Variants in NKAIN2 observed in about 807,000 individuals in gnomAD.
The protein encoded by NKAIN2 is sodium/potassium-transporting ATPase subunit beta-1-interacting protein 2.
Under a neutral mutation model 32.6 loss-of-function variants are expected in NKAIN2, and 14 were observed. That is an observed-to-expected ratio of 0.43 (90% CI 0.28 to 0.67). The LOEUF (loss-of-function observed/expected upper bound fraction) is 0.67. NKAIN2 is among the 30% of genes least tolerant of loss of function. The pLI, the probability that NKAIN2 is intolerant of heterozygous loss-of-function variation, is 0.17. For missense variants in NKAIN2, 198 were observed against 258.3 expected (o/e 0.77, Z 1.60); for synonymous variants, 80 against 87.2 (o/e 0.92, Z 0.46).
At chr6:124,118,016 T>C (rs1441354832) in intron 1 of NKAIN2, among the ~76,000 whole-genome samples, 5 of 152,036 alleles carry the variant, frequency 3.3e-5, no homozygotes, top group African/African-American at 9.7e-5. Flanking sequence ...TAGCTGCAGA[T>C]TTTTTTCAAC....
At chr6:124,268,200 G>A (rs925603916) in intron 1 of NKAIN2, among the ~76,000 whole-genome samples, 4 of 152,188 alleles carry the variant, frequency 2.6e-5, no homozygotes, top group Non-Finnish European at 4.4e-5. Context: ...TACTGTAGGT[G>A]TGCATGAAAT....
intron 3 of NKAIN2, among the ~76,000 whole-genome samples, chr6:124,404,563 A>G (rs1373932448): frequency 6.6e-6 from 1 of 151,992 alleles, no homozygotes; most frequent in Non-Finnish European, 1.5e-5. Context: ...AGAGGCACTC[A>G]GTAAAAGAGT....
chr6:124,178,896 T>C (rs950938461), intron 1 of NKAIN2, among the ~76,000 whole-genome samples: 2 of 152,156 alleles, frequency 1.3e-5, no homozygotes, highest in African/African-American at 2.4e-5. Flanking sequence ...CTTTGAAAGA[T>C]AGTGTAAAAT....
At chr6:123,980,487 T>A (rs1298839027) in intron 1 of NKAIN2, among the ~76,000 whole-genome samples, 1 of 152,178 alleles carries the variant, frequency 6.6e-6, no homozygotes, top group East Asian at 1.9e-4. Flanking sequence ...AAAACCTAAG[T>A]GTTGCTGAAA....
At chr6:124,205,752 G>A (rs561300608) in intron 1 of NKAIN2, among the ~76,000 whole-genome samples, 10 of 151,880 alleles carry the variant, frequency 6.6e-5, no homozygotes, top group South Asian at 2.1e-4. Context: ...AAAGTCATTA[G>A]GAAGATATCT....
At chr6:123,917,961 C>T (rs975130908) in intron 1 of NKAIN2, among the ~76,000 whole-genome samples, 1 of 152,074 alleles carries the variant, frequency 6.6e-6, no homozygotes, top group Admixed American at 6.6e-5. Flanking sequence ...ACATAGCCAC[C>T]GTTGTTAAAT....
chr6:124,671,307 G>A (rs1013930235), intron 4 of NKAIN2, among the ~76,000 whole-genome samples: 8 of 151,992 alleles, frequency 5.3e-5, no homozygotes, highest in South Asian at 2.1e-4. Context: ...AGGTTATAAC[G>A]TTAACTGAGA....
chr6:124,082,740 T>C (rs1216610082), intron 1 of NKAIN2, among the ~76,000 whole-genome samples: 1 of 152,058 alleles, frequency 6.6e-6, no homozygotes, highest in East Asian at 1.9e-4. Flanking sequence ...TCATCCTTTT[T>C]ATTAGATTTT....
chr6:124,234,273 C>A (rs924698657), intron 1 of NKAIN2, among the ~76,000 whole-genome samples: 1 of 152,092 alleles, frequency 6.6e-6, no homozygotes, highest in African/African-American at 2.4e-5. Context: ...TCCTAAAATA[C>A]TATTTCTTTC....
chr6:123,814,536 A>G (rs1404860966), intron 1 of NKAIN2, among the ~76,000 whole-genome samples: 1 of 152,208 alleles, frequency 6.6e-6, no homozygotes, highest in Non-Finnish European at 1.5e-5. Flanking sequence ...TTATAATCCT[A>G]AAGGTAGACC....
At chr6:124,723,827 G>A (rs1270956712) in intron 4 of NKAIN2, among the ~76,000 whole-genome samples, 1 of 152,218 alleles carries the variant, frequency 6.6e-6, no homozygotes, top group African/African-American at 2.4e-5. Flanking sequence ...ATAAAATCAT[G>A]TATAAGCAGA....
chr6:124,610,193 A>G (rs529916323), intron 3 of NKAIN2, among the ~76,000 whole-genome samples: 15 of 152,310 alleles, frequency 9.8e-5, no homozygotes, highest in African/African-American at 3.4e-4. Context: ...TTGATAGGAT[A>G]TGTAATATTG....
intron 4 of NKAIN2, among the ~76,000 whole-genome samples, chr6:124,783,254 T>TG (rs1282720603): frequency 6.6e-6 from 1 of 152,224 alleles, no homozygotes; most frequent in African/African-American, 2.4e-5. Context: ...TTGATAAGTT[T>TG]GGACTGAAGA....
At chr6:123,895,920 A>AT (rs1774258119) in intron 1 of NKAIN2, among the ~76,000 whole-genome samples, 1 of 152,274 alleles carries the variant, frequency 6.6e-6, no homozygotes, top group South Asian at 2.1e-4. Flanking sequence ...GCTGTTCACA[A>AT]TTTTTTTGTG....
At chr6:123,976,701 T>G (rs958897022) in intron 1 of NKAIN2, among the ~76,000 whole-genome samples, 2 of 152,030 alleles carry the variant, frequency 1.3e-5, no homozygotes, top group Non-Finnish European at 2.9e-5. Flanking sequence ...TTAACTATCA[T>G]GCATCATATA....
intron 1 of NKAIN2, among the ~76,000 whole-genome samples, chr6:124,240,565 T>C (rs539444766): frequency 1.5e-4 from 23 of 152,214 alleles, no homozygotes; most frequent in Non-Finnish European, 2.9e-4. Flanking sequence ...GTCAGCTTCA[T>C]CCCTGGGATG....
chr6:123,831,454 C>CTTTTT (rs34291249), intron 1 of NKAIN2, among the ~76,000 whole-genome samples: 1 of 144,670 alleles, frequency 6.9e-6, no homozygotes, highest in African/African-American at 2.5e-5. Flanking sequence ...AGTTTTAACT[C>CTTTTT]TTTTTTTTTT....
intron 3 of NKAIN2, among the ~76,000 whole-genome samples, chr6:124,460,027 T>C (rs1173496155): frequency 6.6e-6 from 1 of 151,804 alleles, no homozygotes; most frequent in Admixed American, 6.6e-5. Flanking sequence ...TTGAAAGCTA[T>C]ATATTCTATT....
intron 1 of NKAIN2, among the ~76,000 whole-genome samples, chr6:124,141,971 A>G (rs1787164391): frequency 6.6e-6 from 1 of 152,204 alleles, no homozygotes; most frequent in South Asian, 2.1e-4. Flanking sequence ...GAACTGGTCT[A>G]GGCACTTTGC....
Sources: gnomAD v4.1 joint callset for allele counts (sites outside exome capture counted in the v4.1 genomes callset) on GRCh38, gnomAD v4.1.1 for gene constraint, MANE v1.5 for transcripts, NCBI Gene and HGNC (gene_info 2026-07-23, HGNC 2026-07-21) for gene names.